The following LRP1B variants were observed in gnomAD, a reference collection of about 807,000 sequenced individuals.
The protein encoded by LRP1B is LDL receptor related protein 1B.
LRP1B carries 217 observed loss-of-function variants against 556.6 expected under a neutral mutation model. The ratio of observed to expected loss-of-function variants is 0.39; its 90% confidence interval spans 0.35 to 0.44. The LOEUF is 0.44. LRP1B is among the 20% of genes least tolerant of loss of function. LRP1B has a pLI of 1.00. For missense variants in LRP1B, 5,053 were observed against 5,620.8 expected (o/e 0.90, Z 3.23); for synonymous variants, 2,047 against 1,865.8 (o/e 1.10, Z -2.50).
chr2:142,045,544 G>A (rs749521174), intron 1 of LRP1B, among the ~76,000 whole-genome samples: 1 of 151,756 alleles, frequency 6.6e-6, no homozygotes, highest in Admixed American at 6.6e-5. Flanking sequence ...ACGACCAACT[G>A]AGTTCTGCAT....
At chr2:141,428,792 T>A (rs1573935467) in intron 3 of LRP1B, among the ~76,000 whole-genome samples, 1 of 152,194 alleles carries the variant, frequency 6.6e-6, no homozygotes. Context: ...TCAATTCCTT[T>A]GATTATTAGA....
At chr2:141,478,043 A>AG (rs1573993086) in intron 3 of LRP1B, among the ~76,000 whole-genome samples, 1 of 151,932 alleles carries the variant, frequency 6.6e-6, no homozygotes, top group Non-Finnish European at 1.5e-5. Flanking sequence ...CAGAAAAAAA[A>AG]GAATGGAGCA....
intron 1 of LRP1B, among the ~76,000 whole-genome samples, chr2:141,981,304 A>G (rs1010347662): frequency 1.3e-5 from 2 of 152,098 alleles, no homozygotes; most frequent in African/African-American, 4.8e-5. Context: ...TCTTAGGATT[A>G]GGCATTGGAC....
Position 140,741,096 on chromosome 2 carries a change from T to C in LRP1B, c.5759-24280A>G, listed in dbSNP as rs575772634. Among the ~76,000 whole-genome samples, 10 of 152,218 alleles carry C rather than the reference T, an allele frequency of 6.6e-5. No homozygotes were observed. In the East Asian group the frequency reaches 1.7e-3, roughly 26 times the overall value. ...AACATTTCTAAGCAGAAACAAGAAGTTGTATCTGTATTAGCCATTAGCATT... is the reference window on the plus strand; with the variant it reads ...AACATTTCTAAGCAGAAACAAGAAGCTGTATCTGTATTAGCCATTAGCATT... On this transcript the variant is annotated intron_variant, in intron 35 of 90. Coordinates refer to ENST00000389484, the MANE Select transcript of LRP1B (RefSeq NM_018557.3).
intron 54 of LRP1B, 68 bp downstream of exon 54, chr2:140,502,895 A>C (rs1432307551): frequency 2.0e-6 from 3 of 1,527,708 alleles, no homozygotes; most frequent in Non-Finnish European, 2.7e-6. Context: ...ACTATACTAG[A>C]CAGAAAATCA....
At chr2:140,297,529 A>G (rs1392642095) in intron 84 of LRP1B, among the ~76,000 whole-genome samples, 2 of 152,154 alleles carry the variant, frequency 1.3e-5, no homozygotes, top group African/African-American at 4.8e-5. Context: ...TGATTTGCTA[A>G]GAAGTGCAAA....
At chr2:140,240,500 T>C (rs193226799) in intron 87 of LRP1B, among the ~76,000 whole-genome samples, 120 of 150,732 alleles carry the variant, frequency 8.0e-4, no homozygotes, top group Non-Finnish European at 4.6e-4. Flanking sequence ...TTGCTAATAA[T>C]GTGACCCACA....
intron 41 of LRP1B, among the ~76,000 whole-genome samples, chr2:140,653,276 T>A (rs1559033613): frequency 6.6e-6 from 1 of 152,046 alleles, no homozygotes; most frequent in African/African-American, 2.4e-5. Flanking sequence ...TAGATACTTT[T>A]CAGGAATAAC....
intron 1 of LRP1B, among the ~76,000 whole-genome samples, chr2:141,973,019 T>C (rs1701788902): frequency 6.6e-6 from 1 of 151,598 alleles, no homozygotes; most frequent in South Asian, 2.1e-4. Context: ...AAATATCTCA[T>C]TTCAAGTACT....
At chr2:142,107,006 G>C (rs1574691565) in intron 1 of LRP1B, among the ~76,000 whole-genome samples, 1 of 151,928 alleles carries the variant, frequency 6.6e-6, no homozygotes, top group African/African-American at 2.4e-5. Flanking sequence ...AGACAAAAAT[G>C]TATATATAAA....
intron 7 of LRP1B, among the ~76,000 whole-genome samples, chr2:141,149,195 G>T (rs10205136): frequency 0.15 from 22,940 of 151,210 alleles, 1,943 homozygotes; most frequent in African/African-American, 0.24. Flanking sequence ...GGTTTTTTTT[G>T]TTTTGTTTTG....
rs1183793011 is a variant in LRP1B at position 140,851,695 on chromosome 2, G to A, written c.4668C>T (p.Cys1556=). The A allele has an allele frequency of 2.5e-6, 4 of 1,611,552 alleles. No individual in the cohort carries two copies. The highest frequency in any genetic ancestry group is 1.7e-5 in the Admixed American group (1 of 59,346). ...INHNRSAACA[C]PHLMKLSSDK... ...CTGAAGAAAGCTTCATCAAGTGGGG[G>A]CACGCACAGGCAGCACTCCTATTGT... Residue 1556 remains cysteine (C), a synonymous_variant, in exon 28 of 91, where the codon TGC becomes TGT. Transcript: ENST00000389484.
At chr2:141,460,832 T>C (rs1681839189) in intron 3 of LRP1B, among the ~76,000 whole-genome samples, 1 of 152,090 alleles carries the variant, frequency 6.6e-6, no homozygotes, top group Admixed American at 6.6e-5. Context: ...CTCTGTAATG[T>C]TTTTAGTGTG....
At chr2:141,320,322 G>A (rs954841890) in intron 3 of LRP1B, among the ~76,000 whole-genome samples, 11 of 152,008 alleles carry the variant, frequency 7.2e-5, no homozygotes, top group African/African-American at 1.4e-4. Context: ...TCATGAGTGC[G>A]CAGTAAGGAA....
chr2:141,760,513 C>A (rs1317039013), intron 2 of LRP1B, among the ~76,000 whole-genome samples: 1 of 152,070 alleles, frequency 6.6e-6, no homozygotes, highest in African/African-American at 2.4e-5. Flanking sequence ...AAACAAGCTG[C>A]TCAACAAAAT....
At chr2:140,686,602 G>A (rs557248457) in intron 41 of LRP1B, among the ~76,000 whole-genome samples, 43 of 151,990 alleles carry the variant, frequency 2.8e-4, no homozygotes, top group African/African-American at 9.6e-4. Flanking sequence ...AATTTGAGGT[G>A]GGAAAATGAC....
chr2:140,838,374 C>G (rs1243315065), intron 31 of LRP1B, among the ~76,000 whole-genome samples: 1 of 152,068 alleles, frequency 6.6e-6, no homozygotes, highest in Non-Finnish European at 1.5e-5. Flanking sequence ...ATTAGCGTTT[C>G]AATTTGCCTT....
chr2:141,357,361 GC>G (rs768452062), intron 3 of LRP1B, among the ~76,000 whole-genome samples: 49 of 152,164 alleles, frequency 3.2e-4, no homozygotes, highest in Non-Finnish European at 5.6e-4. Flanking sequence ...TAAAAAGAGA[GC>G]TTTGATAAGA....
At chr2:141,585,161 C>T (rs1687093605) in intron 2 of LRP1B, among the ~76,000 whole-genome samples, 1 of 152,094 alleles carries the variant, frequency 6.6e-6, no homozygotes, top group South Asian at 2.1e-4. Context: ...TTCCGATGTT[C>T]TTATTCTTTG....
Sources: allele counts gnomAD v4.1 joint callset (sites outside exome capture counted in the v4.1 genomes callset), GRCh38; gene constraint gnomAD v4.1.1; transcripts MANE v1.5; gene names NCBI Gene and HGNC (gene_info 2026-07-23, HGNC 2026-07-21).